EIF4G3: variants seen among roughly 807,000 people sequenced by gnomAD.
EIF4G3 encodes eIF-4-gamma 3.
A neutral mutation model predicts 186.4 loss-of-function variants in EIF4G3; 34 were observed. The observed-to-expected ratio is 0.18, with a 90% CI of 0.14 to 0.24. The LOEUF is 0.24. Ranked by LOEUF, EIF4G3 falls within the 10% of genes least tolerant of loss-of-function variation. EIF4G3 has a pLI of 1.00. For missense variants in EIF4G3, 1,536 were observed against 1,948.5 expected (o/e 0.79, Z 3.99); for synonymous variants, 673 against 679.5 (o/e 0.99, Z 0.15).
chr1:21,078,528 C>A (rs56174918), intron 3 of EIF4G3, among the ~76,000 whole-genome samples: 1,846 of 152,266 alleles, frequency 0.012, 30 homozygotes, highest in Middle Eastern at 0.082. Flanking sequence ...GGAATAAGTT[C>A]TAGCGTTAGC....
At chr1:21,061,566 G>A (rs1331674599) in intron 3 of EIF4G3, among the ~76,000 whole-genome samples, 1 of 152,116 alleles carries the variant, frequency 6.6e-6, no homozygotes, top group Admixed American at 6.5e-5. Context: ...TAGCATCTAA[G>A]CTAATTATCA....
chr1:20,865,071 A>C, intron 21 of EIF4G3, 45 bp downstream of exon 21: 1 of 1,606,214 alleles, frequency 6.2e-7, no homozygotes. Context: ...TCTACTTTAC[A>C]GTGCTCAAAG....
At chr1:21,054,051 T>A (rs1274773093) in intron 3 of EIF4G3, among the ~76,000 whole-genome samples, 35 of 152,120 alleles carry the variant, frequency 2.3e-4, no homozygotes, top group Admixed American at 2.0e-3. Context: ...GGGAAAAGAT[T>A]GAGAAATCGG....
At chr1:20,892,690 C>T in intron 18 of EIF4G3, 1 of 1,536,046 alleles carries the variant, frequency 6.5e-7, no homozygotes, top group Non-Finnish European at 8.7e-7. Context: ...TTGCTCTGTT[C>T]CAGAATTGGC....
chr1:21,165,548 C>T (rs1230533738), intron 2 of EIF4G3, among the ~76,000 whole-genome samples: 1 of 152,118 alleles, frequency 6.6e-6, no homozygotes, highest in Non-Finnish European at 1.5e-5. Flanking sequence ...CACAGACGAA[C>T]CCTGAAAACA....
intron 10 of EIF4G3, among the ~76,000 whole-genome samples, chr1:20,977,316 A>G (rs1054928387): frequency 6.6e-6 from 1 of 151,918 alleles, no homozygotes; most frequent in African/African-American, 2.4e-5. Context: ...CCTCCCGAGT[A>G]GCTGGGATTA....
At chr1:20,940,126 G>T (rs571355709) in intron 14 of EIF4G3, among the ~76,000 whole-genome samples, 8 of 152,120 alleles carry the variant, frequency 5.3e-5, no homozygotes, top group Non-Finnish European at 8.8e-5. Context: ...AAAGTGCAGG[G>T]ATTACAGGCA....
chr1:20,850,979 G>A (rs961630746), intron 28 of EIF4G3, among the ~76,000 whole-genome samples: 2 of 152,154 alleles, frequency 1.3e-5, no homozygotes, highest in Non-Finnish European at 2.9e-5. Context: ...GGATGTTACA[G>A]GGACTTGTAA....
chr1:20,824,127 C>T (rs776495293), intron 33 of EIF4G3, among the ~76,000 whole-genome samples: 1 of 152,202 alleles, frequency 6.6e-6, no homozygotes, highest in Non-Finnish European at 1.5e-5. Flanking sequence ...TCATCTCTGG[C>T]TTTTCCCCCT....
intron 2 of EIF4G3, among the ~76,000 whole-genome samples, chr1:21,155,099 C>T (rs2097622879): frequency 1.3e-5 from 2 of 151,710 alleles, no homozygotes; most frequent in South Asian, 4.2e-4. Flanking sequence ...CCCATCTCCA[C>T]TAAAAATACA....
chr1:20,881,637 A>G (rs1161437824), intron 19 of EIF4G3, among the ~76,000 whole-genome samples: 1 of 151,672 alleles, frequency 6.6e-6, no homozygotes, highest in Non-Finnish European at 1.5e-5. Context: ...AAATACAAAA[A>G]TCAGCTGAGC....
intron 24 of EIF4G3, among the ~76,000 whole-genome samples, chr1:20,858,503 A>G (rs2075586896): frequency 6.6e-6 from 1 of 152,206 alleles, no homozygotes; most frequent in Non-Finnish European, 1.5e-5. Flanking sequence ...TTTCCTGTTT[A>G]AAACTGCACC....
intron 3 of EIF4G3, among the ~76,000 whole-genome samples, chr1:21,085,368 G>C (rs2095931140): frequency 6.6e-6 from 1 of 152,054 alleles, no homozygotes; most frequent in Non-Finnish European, 1.5e-5. Context: ...CTAAGACCTA[G>C]AGAAAGGTTG....
intron 2 of EIF4G3, among the ~76,000 whole-genome samples, chr1:21,097,940 T>A (rs568053172): frequency 3.4e-5 from 5 of 149,042 alleles, no homozygotes; most frequent in Middle Eastern, 3.5e-3. Context: ...ATGATGTATT[T>A]AAAAAAAAAA....
intron 33 of EIF4G3, among the ~76,000 whole-genome samples, chr1:20,819,598 A>G (rs2154545784): frequency 6.6e-6 from 1 of 152,314 alleles, no homozygotes. Flanking sequence ...AAAACCAAAT[A>G]CTGCGTGTTC....
chr1:21,070,622 T>C (rs1002107630), intron 3 of EIF4G3, among the ~76,000 whole-genome samples: 1 of 152,186 alleles, frequency 6.6e-6, no homozygotes, highest in South Asian at 2.1e-4. Context: ...AAGAACTATA[T>C]AACCTACTAA....
At chr1:20,833,725 G>T (rs2065947314) in intron 30 of EIF4G3, among the ~76,000 whole-genome samples, 1 of 152,088 alleles carries the variant, frequency 6.6e-6, no homozygotes, top group Admixed American at 6.6e-5. Flanking sequence ...AATAGATGCA[G>T]AAAAAGCCTT....
At chr1:21,024,610 G>A (rs1350040526) in intron 4 of EIF4G3, among the ~76,000 whole-genome samples, 6 of 150,226 alleles carry the variant, frequency 4.0e-5, no homozygotes. Flanking sequence ...TGTGCTCTCT[G>A]AAACATGTGC....
intron 2 of EIF4G3, among the ~76,000 whole-genome samples, chr1:21,153,861 G>A (rs2097589502): frequency 6.6e-6 from 1 of 151,766 alleles, no homozygotes; most frequent in African/African-American, 2.4e-5. Context: ...CACCGAGACC[G>A]GCCAAGAAGC....
Sources: gnomAD v4.1 joint callset for allele counts (sites outside exome capture counted in the v4.1 genomes callset) on GRCh38, gnomAD v4.1.1 for gene constraint, MANE v1.5 for transcripts, NCBI Gene and HGNC (gene_info 2026-07-23, HGNC 2026-07-21) for gene names.